Variants in IMMP2L observed in about 807,000 individuals in gnomAD.
IMMP2L encodes inner mitochondrial membrane peptidase subunit 2, also known as mitochondrial inner membrane protease subunit 2.
Under a neutral mutation model 19.3 loss-of-function variants are expected in IMMP2L, and 18 were observed. The ratio of observed to expected loss-of-function variants is 0.93; its 90% CI spans 0.64 to 1.38. IMMP2L has a LOEUF of 1.38. IMMP2L is among the 40% of genes most tolerant of loss of function. The probability of loss-of-function intolerance (pLI) is 0.00; values close to 1 mark genes in which losing one functional copy is unlikely to be tolerated. For synonymous variants in IMMP2L, 76 were observed against 73.0 expected (o/e 1.04, Z -0.21); for missense variants, 233 against 218.2 (o/e 1.07, Z -0.43).
chr7:111,249,219 C>T (rs1437864603), intron 3 of IMMP2L, among the ~76,000 whole-genome samples: 1 of 88,824 alleles, frequency 1.1e-5, no homozygotes, highest in Non-Finnish European at 2.2e-5. Flanking sequence ...GATATAGTCT[C>T]GTGGTGCGCC....
At chr7:111,152,010 TATA>T (rs1318620071) in intron 3 of IMMP2L, among the ~76,000 whole-genome samples, 2 of 152,128 alleles carry the variant, frequency 1.3e-5, no homozygotes, top group Admixed American at 6.6e-5. Context: ...GTGATAATAG[TATA>T]ATAACTCTGT....
intron 5 of IMMP2L, among the ~76,000 whole-genome samples, chr7:110,876,089 C>T (rs1809037758): frequency 6.6e-6 from 1 of 151,920 alleles, no homozygotes; most frequent in East Asian, 1.9e-4. Flanking sequence ...TACAACTTCC[C>T]ACAATGTGTT....
chr7:110,973,803 C>A (rs1225543599), intron 3 of IMMP2L, among the ~76,000 whole-genome samples: 1 of 152,230 alleles, frequency 6.6e-6, no homozygotes, highest in Admixed American at 6.5e-5. Context: ...AAAATGGACT[C>A]TAATCTCTAC....
At chr7:111,122,572 T>C (rs780769534) in intron 3 of IMMP2L, 57 of 558,266 alleles carry the variant, frequency 1.0e-4, no homozygotes, top group Non-Finnish European at 1.6e-4. Flanking sequence ...TAACCTTCTC[T>C]TCTCCAATAT....
chr7:110,769,508 T>G (rs1798895291), intron 5 of IMMP2L, among the ~76,000 whole-genome samples: 2 of 152,176 alleles, frequency 1.3e-5, no homozygotes, highest in Admixed American at 1.3e-4. Flanking sequence ...TGTATTCTGC[T>G]AGATAATACG....
chr7:111,061,223 C>G lies in IMMP2L; in HGVS notation c.240-97658G>C, dbSNP rs529130195. Among the ~76,000 whole-genome samples, 289 of 152,238 alleles carry G rather than the reference C, an allele frequency of 1.9e-3. 2 individuals carry two copies. The highest frequency in any genetic ancestry group is 5.1e-3 in the Admixed American group (78 of 15,278). On this transcript the variant is annotated intron_variant, in intron 3 of 5. Transcript: ENST00000405709. ...GGCTGGGCTAAGTAAGATTAACAGA[C>G]TGAAGATAAGTGGGCACATTATTCA... is the stretch of plus-strand genomic sequence containing the variant.
At chr7:110,665,276 A>T (rs1791362326) in intron 5 of IMMP2L, among the ~76,000 whole-genome samples, 1 of 152,186 alleles carries the variant, frequency 6.6e-6, no homozygotes, top group African/African-American at 2.4e-5. Context: ...TTTTATGTGT[A>T]TGTACATATA....
rs972537316 is a variant in IMMP2L, at chr7:110,807,735, T to C, written c.408+78858A>G. Among the ~76,000 whole-genome samples, 4 of 152,228 alleles carry C rather than the reference T, an allele frequency of 2.6e-5. No individual in the cohort carries two copies. In the South Asian group the frequency reaches 8.3e-4, roughly 32 times the overall value. On this transcript the variant is annotated intron_variant, in intron 5 of 5. Transcript: ENST00000405709. Reference sequence around the variant, plus strand: ...TTTAAATACAACTTCATTAGTGTTATAGTTATTTAAGGTATCCTACCAAGG... The same window carrying C: ...TTTAAATACAACTTCATTAGTGTTACAGTTATTTAAGGTATCCTACCAAGG...
intron 3 of IMMP2L, among the ~76,000 whole-genome samples, chr7:111,070,610 A>C (rs1183111551): frequency 6.6e-6 from 1 of 152,212 alleles, no homozygotes; most frequent in African/African-American, 2.4e-5. Context: ...GCCTCATCCA[A>C]GAAATACTAA....
At chr7:110,988,853 A>T (rs1245993214) in intron 3 of IMMP2L, among the ~76,000 whole-genome samples, 1 of 152,200 alleles carries the variant, frequency 6.6e-6, no homozygotes, top group African/African-American at 2.4e-5. Flanking sequence ...TATTTAAGAC[A>T]CATAAATATA....
At chr7:111,034,654 C>A (rs886174163) in intron 3 of IMMP2L, among the ~76,000 whole-genome samples, 2 of 152,024 alleles carry the variant, frequency 1.3e-5, no homozygotes, top group African/African-American at 2.4e-5. Context: ...TAAGTTTGTA[C>A]CATAAGAATT....
chr7:111,491,956 C>T (rs140075807), intron 2 of IMMP2L, among the ~76,000 whole-genome samples: 138 of 151,668 alleles, frequency 9.1e-4, no homozygotes, highest in African/African-American at 3.2e-3. Flanking sequence ...TTATTTCTGA[C>T]TGTTCTCCTT....
chr7:111,393,867 G>C (rs886315687), intron 3 of IMMP2L, among the ~76,000 whole-genome samples: 1 of 152,126 alleles, frequency 6.6e-6, no homozygotes, highest in African/African-American at 2.4e-5. Flanking sequence ...TTTTATGTAC[G>C]TGTGTTTTTT....
chr7:111,094,647 C>G (rs1797218111), intron 3 of IMMP2L, among the ~76,000 whole-genome samples: 1 of 152,142 alleles, frequency 6.6e-6, no homozygotes, highest in Non-Finnish European at 1.5e-5. Context: ...CTTAGGAAAG[C>G]TTCACTGTAT....
At chr7:111,382,015 G>C (rs1173436168) in intron 3 of IMMP2L, among the ~76,000 whole-genome samples, 1 of 151,886 alleles carries the variant, frequency 6.6e-6, no homozygotes, top group Non-Finnish European at 1.5e-5. Flanking sequence ...GAAGCAATTG[G>C]ATGTCATGAT....
chr7:110,780,645 C>T lies in IMMP2L; in HGVS notation c.408+105948G>A, dbSNP rs1016728287. 2.2e-4 allele frequency among the ~76,000 whole-genome samples: 34 copies of T among 151,848 alleles called. 1 individual carries two copies. Among genetic ancestry groups the T allele is most frequent in the African/African-American group, 6.8e-4 (28 of 41,430 alleles). ...CCTCTATGTTCCCCTCCCATTCTGG[C>T]TTATTCTCATTTGGGAGCTGATTAA... On this transcript the variant is annotated intron_variant, in intron 5 of 5. Coordinates refer to ENST00000405709, the MANE Select transcript of IMMP2L (RefSeq NM_032549.4).
At chr7:111,516,337 G>C (rs1048332996) in intron 2 of IMMP2L, among the ~76,000 whole-genome samples, 2 of 151,398 alleles carry the variant, frequency 1.3e-5, no homozygotes, top group Non-Finnish European at 2.9e-5. Flanking sequence ...ATTCATACAC[G>C]CATAAATACA....
intron 3 of IMMP2L, among the ~76,000 whole-genome samples, chr7:111,195,593 T>G (rs1240027201): frequency 1.3e-5 from 2 of 152,166 alleles, no homozygotes; most frequent in Non-Finnish European, 2.9e-5. Context: ...TATGTACATA[T>G]ATTTTCATTG....
At chr7:110,891,431 C>T (rs1810786441) in intron 4 of IMMP2L, among the ~76,000 whole-genome samples, 1 of 152,182 alleles carries the variant, frequency 6.6e-6, no homozygotes, top group African/African-American at 2.4e-5. Flanking sequence ...TGGCCCCAGG[C>T]ATCTGGCAGA....
Sources: allele counts gnomAD v4.1 joint callset (sites outside exome capture counted in the v4.1 genomes callset), GRCh38; gene constraint gnomAD v4.1.1; transcripts MANE v1.5; gene names NCBI Gene and HGNC (gene_info 2026-07-23, HGNC 2026-07-21).